The following ANK2 variants were observed in gnomAD, a reference collection of about 807,000 sequenced individuals.
ANK2 encodes the protein ankyrin 2.
In ANK2, 83 loss-of-function variants were observed where a neutral mutation model predicts 360.5. That is an observed-to-expected ratio of 0.23 (90% CI 0.19 to 0.28). The LOEUF (loss-of-function observed/expected upper bound fraction) is 0.28, where lower values mean the gene tolerates loss of function less well. Among genes scored for constraint, ANK2 ranks in the 10% least tolerant of loss-of-function variants. The pLI is 1.00. For missense variants in ANK2, 4,201 were observed against 4,795.7 expected, an observed-to-expected ratio of 0.88 and a Z score of 3.66; for synonymous variants, 1,740 against 1,759.5, an observed-to-expected ratio of 0.99 and a Z score of 0.28.
At chr4:113,109,324 C>G (rs1221226520) in intron 1 of ANK2, among the ~76,000 whole-genome samples, 2 of 152,118 alleles carry the variant, frequency 1.3e-5, no homozygotes, top group African/African-American at 4.8e-5. Flanking sequence ...TGCTGTACAC[C>G]TGGTTGTCTT....
intron 1 of ANK2, among the ~76,000 whole-genome samples, chr4:112,839,356 CT>C (rs61695213): frequency 1.4e-5 from 2 of 147,044 alleles, no homozygotes; most frequent in East Asian, 2.0e-4. Context: ...CAGGATCAGG[CT>C]TTTTTTTTTC....
intron 4 of ANK2, among the ~76,000 whole-genome samples, chr4:113,222,049 CA>C (rs1265762506): frequency 6.6e-6 from 1 of 152,198 alleles, no homozygotes; most frequent in Non-Finnish European, 1.5e-5. Context: ...TGTGAAACTT[CA>C]GGCATGCTTC....
chr4:113,209,381 A>G (rs1231566484), intron 4 of ANK2, among the ~76,000 whole-genome samples: 5 of 151,988 alleles, frequency 3.3e-5, no homozygotes, highest in Non-Finnish European at 7.3e-5. Context: ...GGCTGCATCA[A>G]TGCAGATTCT....
chr4:112,887,414 T>G (rs1229925655), intron 1 of ANK2, among the ~76,000 whole-genome samples: 1 of 152,212 alleles, frequency 6.6e-6, no homozygotes. Flanking sequence ...CGCTGTTTGG[T>G]AGGTTAGGTG....
the ANK2 span, among the ~76,000 whole-genome samples, chr4:112,767,292 G>C: frequency 6.6e-6 from 1 of 152,086 alleles, no homozygotes; most frequent in Non-Finnish European, 1.5e-5. Context: ...CAGTCGCGGT[G>C]GCTCACGCTT....
At chr4:112,785,725 T>C in the ANK2 span, among the ~76,000 whole-genome samples, 21 of 151,820 alleles carry the variant, frequency 1.4e-4, no homozygotes, top group African/African-American at 4.8e-4. Context: ...TGGAGTGTAG[T>C]GGGCGCGATC....
chr4:112,935,926 A>G (rs1376425200), intron 2 of ANK2, among the ~76,000 whole-genome samples: 1 of 152,202 alleles, frequency 6.6e-6, no homozygotes, highest in Non-Finnish European at 1.5e-5. Context: ...GAACTTAACC[A>G]TCATTCACAG....
intron 1 of ANK2, among the ~76,000 whole-genome samples, chr4:113,054,014 A>G (rs313945): frequency 0.1 from 15,442 of 152,220 alleles, 1,402 homozygotes; most frequent in African/African-American, 0.24. Context: ...ATACTAAAAG[A>G]GGCTGTAGGA....
intron 2 of ANK2, among the ~76,000 whole-genome samples, chr4:112,908,676 A>T (rs938376946): frequency 2.0e-5 from 3 of 152,238 alleles, no homozygotes; most frequent in Non-Finnish European, 4.4e-5. Flanking sequence ...CTTAGGACTT[A>T]TGCCACCAAA....
chr4:113,180,756 G>A (rs1270762029), intron 2 of ANK2, among the ~76,000 whole-genome samples: 2 of 152,134 alleles, frequency 1.3e-5, no homozygotes, highest in Non-Finnish European at 2.9e-5. Flanking sequence ...TGGAATTAAT[G>A]GAACATGGAA....
intron 1 of ANK2, among the ~76,000 whole-genome samples, chr4:113,107,691 T>C (rs7690733): frequency 0.22 from 32,766 of 152,166 alleles, 3,725 homozygotes; most frequent in African/African-American, 0.27. Flanking sequence ...TATTATCTTA[T>C]GCTTTTATAT....
intron 1 of ANK2, among the ~76,000 whole-genome samples, chr4:112,857,750 G>T (rs929402532): frequency 6.6e-6 from 1 of 152,184 alleles, no homozygotes; most frequent in Non-Finnish European, 1.5e-5. Flanking sequence ...AAAATATGCA[G>T]GGGTGGGTCT....
intron 1 of ANK2, among the ~76,000 whole-genome samples, chr4:113,081,065 T>C (rs2082221922): frequency 1.3e-5 from 2 of 152,218 alleles, no homozygotes; most frequent in Admixed American, 6.5e-5. Flanking sequence ...TTACAAAATA[T>C]GTATTATTCT....
At chr4:113,285,574 G>A (rs1054486104) in intron 18 of ANK2, among the ~76,000 whole-genome samples, 2 of 152,182 alleles carry the variant, frequency 1.3e-5, no homozygotes, top group African/African-American at 4.8e-5. Flanking sequence ...ATAGGGCAAG[G>A]TATGAGGGAA....
intron 2 of ANK2, among the ~76,000 whole-genome samples, chr4:112,990,656 T>C (rs1473010191): frequency 6.6e-6 from 1 of 152,064 alleles, no homozygotes. Context: ...TTTTGAGGAG[T>C]ATAGTAGACA....
intron 1 of ANK2, chr4:112,826,799 A>G (rs1442892368): frequency 1.1e-5 from 12 of 1,091,702 alleles, no homozygotes; most frequent in Non-Finnish European, 1.1e-5. Context: ...TGTTGCTTCA[A>G]GCATCTTCTA....
intron 1 of ANK2, among the ~76,000 whole-genome samples, chr4:112,860,229 T>C (rs2067547764): frequency 6.6e-6 from 1 of 151,634 alleles, no homozygotes. Context: ...AAAAAAATTC[T>C]TTTTTTTTCT....
intron 2 of ANK2, among the ~76,000 whole-genome samples, chr4:112,992,063 G>A (rs1409320141): frequency 6.6e-6 from 1 of 151,712 alleles, no homozygotes; most frequent in Non-Finnish European, 1.5e-5. Context: ...TGCTAGAATT[G>A]CATATAAAAT....
chr4:113,180,315 A>G (rs940415685), intron 2 of ANK2, among the ~76,000 whole-genome samples: 1 of 152,362 alleles, frequency 6.6e-6, no homozygotes, highest in African/African-American at 2.4e-5. Flanking sequence ...TGGAGTGAGC[A>G]TAACAACACT....
Sources: gnomAD v4.1 joint callset for allele counts (sites outside exome capture counted in the v4.1 genomes callset) on GRCh38, gnomAD v4.1.1 for gene constraint, MANE v1.5 for transcripts, NCBI Gene and HGNC (gene_info 2026-07-23, HGNC 2026-07-21) for gene names.